Variants in TOM1L2 observed in about 807,000 individuals in gnomAD.
The protein encoded by TOM1L2 is target of myb1 like 2 membrane trafficking protein, also known as TOM1-like protein 2.
TOM1L2 carries 31 observed loss-of-function variants against 67.9 expected under a neutral mutation model. The ratio of observed to expected loss-of-function variants is 0.46; its 90% CI spans 0.34 to 0.62. TOM1L2 has a LOEUF of 0.62. Ranked by LOEUF, TOM1L2 falls within the 20% of genes least tolerant of loss-of-function variation. The pLI is 0.01. For synonymous variants in TOM1L2, 256 were observed against 254.0 expected (o/e 1.01, Z -0.07); for missense variants, 606 against 663.5 (o/e 0.91, Z 0.95).
chr17:17,919,053 T>C (rs148614635), intron 1 of TOM1L2, among the ~76,000 whole-genome samples: 1 of 152,302 alleles, frequency 6.6e-6, no homozygotes, highest in East Asian at 1.9e-4. Flanking sequence ...ATGTGCATTA[T>C]AATGGAGTCT....
At chr17:17,863,533 A>G (rs973396444) in intron 10 of TOM1L2, 7 of 151,036 alleles carry the variant, frequency 4.6e-5, no homozygotes, top group African/African-American at 1.5e-4. Flanking sequence ...CTCAAATGCC[A>G]GGTAAAGGAG....
intron 1 of TOM1L2, among the ~76,000 whole-genome samples, chr17:17,909,045 G>A (rs559179249): frequency 1.3e-5 from 2 of 152,278 alleles, no homozygotes; most frequent in South Asian, 4.1e-4. Context: ...GCCAGGTGTG[G>A]TGGTGGGCAC....
chr17:17,851,161 G>A (rs936910993), intron 12 of TOM1L2: 2 of 576,516 alleles, frequency 3.5e-6, no homozygotes, highest in Non-Finnish European at 6.2e-6. Context: ...AGGTGCAAAT[G>A]ATAAGAAGCA....
At chr17:17,928,515 A>G (rs2040189981) in intron 1 of TOM1L2, among the ~76,000 whole-genome samples, 1 of 152,252 alleles carries the variant, frequency 6.6e-6, no homozygotes, top group Non-Finnish European at 1.5e-5. Flanking sequence ...AGAACACAGA[A>G]GGCGACACCC....
At chr17:17,879,825 A>G (rs1224201744) in intron 6 of TOM1L2, 82 bp from the exon 7 acceptor site, 1 of 1,190,854 alleles carries the variant, frequency 8.4e-7, no homozygotes, top group East Asian at 2.3e-5. Flanking sequence ...GCTTGCTCCT[A>G]GTCTAGTGAC....
chr17:17,929,347 A>C (rs2040231752), intron 1 of TOM1L2, among the ~76,000 whole-genome samples: 1 of 152,182 alleles, frequency 6.6e-6, no homozygotes. Context: ...GATATTCAAG[A>C]ATGTCAGAGC....
chr17:17,851,124 G>T, intron 12 of TOM1L2, 172 bp from the exon 13 acceptor site: 1 of 646,014 alleles, frequency 1.5e-6, no homozygotes, highest in Non-Finnish European at 2.7e-6. Context: ...GCAGCCACGT[G>T]TGAGATGGCA....
At chr17:17,962,517 T>C (rs2041725702) in intron 1 of TOM1L2, among the ~76,000 whole-genome samples, 1 of 151,948 alleles carries the variant, frequency 6.6e-6, no homozygotes, top group Non-Finnish European at 1.5e-5. Flanking sequence ...TTTCACCGTG[T>C]TGCGCAGGCT....
intron 6 of TOM1L2, among the ~76,000 whole-genome samples, chr17:17,880,042 C>T (rs983780481): frequency 1.3e-5 from 2 of 152,166 alleles, no homozygotes; most frequent in African/African-American, 2.4e-5. Context: ...GCTGGCTCTC[C>T]GTCTCGGCTC....
intron 7 of TOM1L2, among the ~76,000 whole-genome samples, chr17:17,870,313 C>G (rs1037572804): frequency 6.6e-6 from 1 of 152,146 alleles, no homozygotes; most frequent in African/African-American, 2.4e-5. Flanking sequence ...ATGAGCCTTC[C>G]CTGTTCCAGA....
Position 17,937,462 on chromosome 17 carries a change from G to A in TOM1L2, c.53-29931C>T, listed in dbSNP as rs115526241. ...GGACTTTCACAGGTAAGAATGGTGA[G>A]GGCCAAAGATCTGTAGCAAATGAAG... On this transcript the variant is annotated intron_variant, in intron 1 of 14. Transcript: ENST00000379504. Among the ~76,000 whole-genome samples, 1,022 of 152,312 alleles carry A rather than the reference G, an allele frequency of 6.7e-3. 14 individuals carry two copies. Among genetic ancestry groups the A allele is most frequent in the African/African-American group, 0.023 (942 of 41,574 alleles).
Position 17,846,814 on chromosome 17 carries a change from A to T in TOM1L2, c.*821T>A, listed in dbSNP as rs577453929. 6.5e-6 allele frequency: 1 copy of T among 152,714 alleles called. No individual in the cohort carries two copies. Among genetic ancestry groups the T allele is most frequent in the Non-Finnish European group, 1.5e-5 (1 of 68,316 alleles). 9.5% of individuals were successfully genotyped at this position (152,714 alleles called of 1,614,324 possible). On this transcript the variant is annotated 3_prime_UTR_variant, in exon 15 of 15. Transcript: ENST00000379504. ...TCCAGTGCAAGTCCCTCCACAAGCC[A>T]GGACCAGGTGTGCGGGTGTGAGCCT... is the stretch of plus-strand genomic sequence containing the variant.
At chr17:17,936,265 C>T (rs1218665587) in intron 1 of TOM1L2, among the ~76,000 whole-genome samples, 1 of 152,192 alleles carries the variant, frequency 6.6e-6, no homozygotes, top group African/African-American at 2.4e-5. Flanking sequence ...CTATCTGCTT[C>T]TACTCTTGTT....
At chr17:17,930,919 A>AT (rs1001007608) in intron 1 of TOM1L2, among the ~76,000 whole-genome samples, 1 of 151,980 alleles carries the variant, frequency 6.6e-6, no homozygotes. Flanking sequence ...TAGGATGGGG[A>AT]TTTTTTTTCC....
At chr17:17,854,410 C>T (rs949868918) in intron 12 of TOM1L2, among the ~76,000 whole-genome samples, 5 of 152,148 alleles carry the variant, frequency 3.3e-5, no homozygotes, top group East Asian at 1.9e-4. Flanking sequence ...TAGGAGGCCT[C>T]GGTATCCTCA....
intron 1 of TOM1L2, among the ~76,000 whole-genome samples, chr17:17,919,186 A>T (rs2039750654): frequency 6.6e-6 from 1 of 152,174 alleles, no homozygotes; most frequent in Non-Finnish European, 1.5e-5. Context: ...CAATAACAGC[A>T]CTCTCTCACA....
intron 3 of TOM1L2, among the ~76,000 whole-genome samples, 181 bp downstream of exon 3, chr17:17,898,415 T>C (rs1389282485): frequency 6.6e-6 from 1 of 152,214 alleles, no homozygotes; most frequent in Non-Finnish European, 1.5e-5. Context: ...CCACTCCCTG[T>C]TTCAGAGGAC....
chr17:17,911,435 G>A (rs1430645516), intron 1 of TOM1L2, among the ~76,000 whole-genome samples: 1 of 152,194 alleles, frequency 6.6e-6, no homozygotes. Flanking sequence ...CTGGTGGGAA[G>A]GACTTGCCCC....
chr17:17,937,165 G>T (rs2040544852), intron 1 of TOM1L2, among the ~76,000 whole-genome samples: 1 of 152,154 alleles, frequency 6.6e-6, no homozygotes, highest in Admixed American at 6.5e-5. Context: ...TACTCCAGTG[G>T]TACATATTCC....
Sources: allele counts gnomAD v4.1 joint callset (sites outside exome capture counted in the v4.1 genomes callset), GRCh38; gene constraint gnomAD v4.1.1; transcripts MANE v1.5; gene names NCBI Gene and HGNC (gene_info 2026-07-23, HGNC 2026-07-21).